UBR3: variants seen among roughly 807,000 people sequenced by gnomAD.
UBR3 encodes ubiquitin protein ligase E3 component n-recognin 3.
Under a neutral mutation model 243.2 loss-of-function variants are expected in UBR3, and 85 were observed. The observed-to-expected ratio is 0.35, with a 90% CI of 0.29 to 0.42. The LOEUF is 0.42. Ranked by LOEUF, UBR3 falls within the 10% of genes least tolerant of loss-of-function variation. The probability of loss-of-function intolerance (pLI) is 1.00; values close to 1 mark genes in which losing one functional copy is unlikely to be tolerated. For missense variants in UBR3, 1,686 were observed against 2,300.8 expected (o/e 0.73, Z 5.47); for synonymous variants, 748 against 799.8 (o/e 0.94, Z 1.09).
intron 35 of UBR3, among the ~76,000 whole-genome samples, chr2:170,063,228 T>C (rs918246672): frequency 1.3e-5 from 2 of 152,140 alleles, no homozygotes; most frequent in Non-Finnish European, 2.9e-5. Flanking sequence ...GGAAGAATCA[T>C]ACTATACTTG....
intron 21 of UBR3, among the ~76,000 whole-genome samples, chr2:169,946,898 G>A (rs1371231420): frequency 2.6e-5 from 4 of 151,972 alleles, no homozygotes; most frequent in Admixed American, 6.6e-5. Flanking sequence ...TTGTTATATG[G>A]GAGAATGTTT....
intron 23 of UBR3, among the ~76,000 whole-genome samples, chr2:169,950,437 C>T (rs1398010638): frequency 2.0e-5 from 3 of 151,916 alleles, no homozygotes; most frequent in Non-Finnish European, 4.4e-5. Context: ...AAAAATCCAA[C>T]TGCTTTAGTT....
chr2:169,870,739 C>T (rs529942613), intron 1 of UBR3, among the ~76,000 whole-genome samples: 3 of 151,638 alleles, frequency 2.0e-5, no homozygotes, highest in South Asian at 2.1e-4. Flanking sequence ...CTGCAACCTC[C>T]GCCTCCCAGG....
At chr2:169,963,387 C>G (rs977059669) in intron 24 of UBR3, among the ~76,000 whole-genome samples, 3 of 152,288 alleles carry the variant, frequency 2.0e-5, no homozygotes, top group East Asian at 1.9e-4. Flanking sequence ...CATCATGTCT[C>G]TTTCTCCTCC....
intron 1 of UBR3, among the ~76,000 whole-genome samples, chr2:169,848,015 T>A (rs2082540910): frequency 6.6e-6 from 1 of 152,242 alleles, no homozygotes. Flanking sequence ...AGATGCTTAG[T>A]TCTGTCTTCT....
At chr2:169,878,097 T>G (rs1034518991) in intron 4 of UBR3, among the ~76,000 whole-genome samples, 1 of 152,190 alleles carries the variant, frequency 6.6e-6, no homozygotes, top group African/African-American at 2.4e-5. Flanking sequence ...CGGAGGCTTA[T>G]GCCTATAAAT....
chr2:169,886,152 G>A (rs1027161113), intron 5 of UBR3, among the ~76,000 whole-genome samples: 6 of 115,618 alleles, frequency 5.2e-5, no homozygotes, highest in Admixed American at 1.9e-4. Flanking sequence ...GTGAGACTCC[G>A]TCTCAAAAAA....
chr2:170,031,976 G>C (rs58732069), intron 31 of UBR3, among the ~76,000 whole-genome samples: 14,485 of 152,110 alleles, frequency 0.095, 835 homozygotes, highest in African/African-American at 0.16. Flanking sequence ...ATAGTGCTGT[G>C]ATGTACATGC....
At chr2:169,884,277 C>T (rs893624696) in intron 5 of UBR3, among the ~76,000 whole-genome samples, 12 of 151,818 alleles carry the variant, frequency 7.9e-5, no homozygotes, top group Admixed American at 5.9e-4. Context: ...CTCAGCCTCC[C>T]GAGTAGCTGG....
intron 27 of UBR3, among the ~76,000 whole-genome samples, chr2:170,005,576 G>A (rs930119457): frequency 7.9e-5 from 12 of 152,162 alleles, no homozygotes; most frequent in Non-Finnish European, 1.5e-4. Flanking sequence ...AGGGAGTAAA[G>A]GAGGTGGAAG....
At chr2:169,952,874 T>C (rs2087103024) in intron 23 of UBR3, among the ~76,000 whole-genome samples, 1 of 152,156 alleles carries the variant, frequency 6.6e-6, no homozygotes, top group Non-Finnish European at 1.5e-5. Flanking sequence ...TTTGAATTAG[T>C]AATAGCCTAG....
chr2:170,072,122 C>T (rs1246018240), intron 35 of UBR3, among the ~76,000 whole-genome samples: 6 of 152,010 alleles, frequency 3.9e-5, no homozygotes, highest in Non-Finnish European at 8.8e-5. Flanking sequence ...CATATGCACA[C>T]ATATGTTTAT....
At chr2:170,026,178 G>C (rs1343829106) in intron 30 of UBR3, among the ~76,000 whole-genome samples, 1 of 151,966 alleles carries the variant, frequency 6.6e-6, no homozygotes, top group Non-Finnish European at 1.5e-5. Flanking sequence ...CCAGAGGAAA[G>C]CCAGGAGAGA....
Position 169,852,869 on chromosome 2 carries a change from A to C in UBR3, c.546-19367A>C, listed in dbSNP as rs947273613. Among the ~76,000 whole-genome samples, 351 of 145,468 alleles carry C rather than the reference A, an allele frequency of 2.4e-3. 11 individuals carry two copies. The highest frequency in any genetic ancestry group is 4.0e-3 in the Non-Finnish European group (260 of 65,352). Reference sequence around the variant, plus strand: ...TCATCTCAAAAAAAAAAAAAAAAAAAAAAAAAAAACAAAACCAAACAAATT... The same window carrying C: ...TCATCTCAAAAAAAAAAAAAAAAAACAAAAAAAAACAAAACCAAACAAATT... On this transcript the variant is annotated intron_variant, in intron 1 of 38. Coordinates refer to ENST00000272793, the MANE Select transcript of UBR3 (RefSeq NM_172070.4).
chr2:169,963,517 A>G (rs929795602), intron 24 of UBR3, among the ~76,000 whole-genome samples: 1 of 151,942 alleles, frequency 6.6e-6, no homozygotes, highest in African/African-American at 2.4e-5. Context: ...TTATTTCAGT[A>G]GGAGTTTTTT....
At chr2:169,936,572 G>A (rs1275969815) in intron 19 of UBR3, among the ~76,000 whole-genome samples, 1 of 151,670 alleles carries the variant, frequency 6.6e-6, no homozygotes, top group Non-Finnish European at 1.5e-5. Flanking sequence ...TGCACAATGT[G>A]CAGGTTTCTT....
chr2:170,005,387 T>A (rs746471631), intron 27 of UBR3, among the ~76,000 whole-genome samples: 1 of 152,138 alleles, frequency 6.6e-6, no homozygotes, highest in Non-Finnish European at 1.5e-5. Flanking sequence ...CAACACTCAG[T>A]TTGAGTGCAG....
chr2:169,947,005 A>T (rs2086812082), intron 21 of UBR3, among the ~76,000 whole-genome samples: 2 of 152,164 alleles, frequency 1.3e-5, no homozygotes, highest in African/African-American at 4.8e-5. Context: ...AATGTGTAAG[A>T]TTCTCCTCAT....
chr2:169,955,291 T>C (rs970164120), intron 23 of UBR3, among the ~76,000 whole-genome samples: 1 of 152,222 alleles, frequency 6.6e-6, no homozygotes, highest in Non-Finnish European at 1.5e-5. Context: ...CCAATTCATA[T>C]CAACTTTATA....
Sources: gnomAD v4.1 joint callset for allele counts (sites outside exome capture counted in the v4.1 genomes callset) on GRCh38, gnomAD v4.1.1 for gene constraint, MANE v1.5 for transcripts, NCBI Gene and HGNC (gene_info 2026-07-23, HGNC 2026-07-21) for gene names.